PPP2R5C: variants seen among roughly 807,000 people sequenced by gnomAD.
The protein encoded by PPP2R5C is protein phosphatase 2 regulatory subunit B'gamma.
PPP2R5C carries 7 observed loss-of-function variants against 68.9 expected under a neutral mutation model. The observed-to-expected ratio is 0.10, with a 90% CI of 0.06 to 0.19. PPP2R5C has a LOEUF of 0.19. PPP2R5C is among the 10% of genes least tolerant of loss of function. PPP2R5C has a pLI of 1.00. For missense variants in PPP2R5C, 348 were observed against 641.3 expected (o/e 0.54, Z 4.94); for synonymous variants, 210 against 222.2 (o/e 0.95, Z 0.49).
intron 1 of PPP2R5C, among the ~76,000 whole-genome samples, chr14:101,845,361 C>T (rs1456385472): frequency 2.6e-5 from 4 of 152,176 alleles, no homozygotes; most frequent in Non-Finnish European, 5.9e-5. Flanking sequence ...ACTCCCTTTA[C>T]TGAAAAATTC....
rs1009520889 is a variant in PPP2R5C at position 101,891,736 on chromosome 14, G to A, written c.690-1264G>A. Among the ~76,000 whole-genome samples the A allele has an allele frequency of 2.6e-5, 4 of 152,344 alleles. No individual in the cohort carries two copies. The highest frequency in any genetic ancestry group is 7.2e-5 in the African/African-American group (3 of 41,584). Reference sequence around the variant, plus strand: ...CTCCTTGATGGGCCGCTCCAGGCTCGCCCTTCCCGCATTGTCCGCTGTGCC... The same window carrying A: ...CTCCTTGATGGGCCGCTCCAGGCTCACCCTTCCCGCATTGTCCGCTGTGCC... On this transcript the variant is annotated intron_variant, in intron 6 of 13. Transcript: ENST00000334743. The surrounding 1 kb of genome is among the most constrained non-coding windows in gnomAD (Gnocchi z 4.9).
chr14:101,857,863 A>G (rs1011800923), intron 2 of PPP2R5C, among the ~76,000 whole-genome samples: 9 of 152,144 alleles, frequency 5.9e-5, no homozygotes, highest in Admixed American at 2.6e-4. Flanking sequence ...CCAAAGCTAT[A>G]TATTTCAGAA....
Position 101,882,093 on chromosome 14 carries a change from C to A in PPP2R5C, c.295-68C>A. 7.6e-7 allele frequency: 1 copy of A among 1,319,884 alleles called. No homozygotes were observed. The highest frequency in any genetic ancestry group is 1.0e-6 in the Non-Finnish European group (1 of 968,080). The allele number at this position is 1,319,884 out of a possible 1,614,324, so 81.8% of individuals were successfully genotyped here. ...CGGCTACTGTTAGAATTACCTAAGACTTTATAAAATGTTGTCTGTAAATAT... is the reference window on the plus strand; with the variant it reads ...CGGCTACTGTTAGAATTACCTAAGAATTTATAAAATGTTGTCTGTAAATAT... On this transcript the variant is annotated intron_variant, in intron 2 of 13. Coordinates refer to ENST00000334743, the Ensembl canonical transcript of PPP2R5C. The surrounding 1 kb of genome is among the most constrained non-coding windows in gnomAD (Gnocchi z 4.9).
chr14:101,906,300 G>T lies in PPP2R5C; in HGVS notation c.1024-102G>T, dbSNP rs1595524993. 7.9e-7 allele frequency: 1 copy of T among 1,260,128 alleles called. No homozygotes were observed. The highest frequency in any genetic ancestry group is 2.5e-5 in the East Asian group (1 of 40,544). 78.1% of individuals were successfully genotyped at this position (1,260,128 alleles called of 1,614,324 possible). ...TTGTAGAAATAATCATAATTTTCTG[G>T]TCCAAGGTAGTTCATTACCCGACTC... On this transcript the variant is annotated intron_variant, in intron 9 of 13. Transcript: ENST00000334743. The surrounding 1 kb of genome is among the most constrained non-coding windows in gnomAD (Gnocchi z 4.0).
rs2043899348 is a variant in PPP2R5C, at chr14:101,878,055, G to A, written c.295-4106G>A. The stretch of plus-strand genomic sequence containing the variant: ...GTAGCAGGGTTTGTTCCCTGCTGAG[G>A]GCCTTTTCTGGCTTGCAGACGGCCA... On this transcript the variant is annotated intron_variant, in intron 2 of 13. Coordinates refer to ENST00000334743, the Ensembl canonical transcript of PPP2R5C. 2.0e-5 allele frequency among the ~76,000 whole-genome samples: 3 copies of A among 152,308 alleles called. No homozygotes were observed. In the South Asian group the frequency reaches 6.2e-4, roughly 32 times the overall value.
intron 2 of PPP2R5C, among the ~76,000 whole-genome samples, chr14:101,783,530 G>C (rs2037940713): frequency 1.3e-5 from 2 of 151,964 alleles, no homozygotes; most frequent in Admixed American, 1.3e-4. Flanking sequence ...GCCCTGACGA[G>C]AGAATGGAGT....
intron 3 of PPP2R5C, among the ~76,000 whole-genome samples, chr14:101,795,108 GA>G (rs2038547197): frequency 6.6e-6 from 1 of 152,176 alleles, no homozygotes; most frequent in Non-Finnish European, 1.5e-5. Flanking sequence ...TCATTCTGTG[GA>G]TACCCCAGTT....
intron 2 of PPP2R5C, among the ~76,000 whole-genome samples, chr14:101,874,013 C>T (rs1442449750): frequency 1.3e-5 from 2 of 152,208 alleles, no homozygotes; most frequent in East Asian, 3.8e-4. Context: ...CATCTGGAAG[C>T]ATAAGTCTGC....
In PPP2R5C at chr14:101,819,214, G is replaced by A. The variant is rs187925139; in HGVS notation, c.94+9178G>A. Reference sequence around the variant, plus strand: ...TATGTAATTGGTCAGACTTCTCAAAGGGGGGTAGCACTTGATAATCGCTCT... The same window carrying A: ...TATGTAATTGGTCAGACTTCTCAAAAGGGGGTAGCACTTGATAATCGCTCT... On this transcript the variant is annotated intron_variant, in intron 1 of 13. Transcript: ENST00000334743. The A allele has an allele frequency of 2.5e-4, 191 of 771,304 alleles. No individual in the cohort carries two copies. In the African/African-American group the frequency reaches 2.9e-3, roughly 12 times the overall value. The allele number at this position is 771,304 out of a possible 1,614,324, so 47.8% of individuals were successfully genotyped here. A position where few individuals can be genotyped will look rare whatever the true frequency, so the allele number is the denominator to read the frequency against.
chr14:101,884,200 A>T (rs8016696), intron 5 of PPP2R5C, among the ~76,000 whole-genome samples: 5,087 of 152,172 alleles, frequency 0.033, 136 homozygotes, highest in African/African-American at 0.079. Flanking sequence ...AGGCCAGAAG[A>T]CTCAGCCAGT....
At chr14:101,901,586 C>T (rs2045695450) in intron 8 of PPP2R5C, 133 bp from the exon 11 acceptor site, 2 of 837,752 alleles carry the variant, frequency 2.4e-6, no homozygotes, top group Admixed American at 4.8e-5. Context: ...ACTGTTCCCT[C>T]TGTAAGGAAG....
In PPP2R5C at chr14:101,877,684, A is replaced by G. The variant is rs533856572; in HGVS notation, c.295-4477A>G. Among the ~76,000 whole-genome samples, 55 of 152,158 alleles carry G rather than the reference A, an allele frequency of 3.6e-4. No homozygotes were observed. The Middle Eastern group carries it at 0.017, about 47-fold the overall frequency. On this transcript the variant is annotated intron_variant, in intron 2 of 13. Coordinates refer to ENST00000334743, the Ensembl canonical transcript of PPP2R5C. This position sits in a 1 kb window ranked among gnomAD's most constrained non-coding sequence, Gnocchi z 4.2. ...GTTGCTAGGTCAGAAACCCAAGAAG[A>G]ATTTGAGGTGATAGACCGTTGGCCC...
intron 1 of PPP2R5C, among the ~76,000 whole-genome samples, chr14:101,844,345 G>A (rs2041691082): frequency 6.6e-6 from 1 of 152,096 alleles, no homozygotes; most frequent in African/African-American, 2.4e-5. Context: ...CCAGAGATTG[G>A]ACACACACGT....
chr14:101,798,533 G>A (rs535939281), intron 3 of PPP2R5C, among the ~76,000 whole-genome samples: 1 of 152,380 alleles, frequency 6.6e-6, no homozygotes, highest in African/African-American at 2.4e-5. Flanking sequence ...CCACTAGGCT[G>A]AGGACGGGGA....
Position 101,821,452 on chromosome 14 carries a change from G to GT in PPP2R5C, c.94+11416_94+11417insT, listed in dbSNP as rs1491578064. ...TCTCCCTGTGGGGGGTGGGTGGGTG[G>GT]GTGTGTGTGTGTGTGTGTGTGTGTG... is the stretch of plus-strand genomic sequence containing the variant. On this transcript the variant is annotated intron_variant, in intron 1 of 13. Transcript: ENST00000334743. Among the ~76,000 whole-genome samples the GT allele has an allele frequency of 2.8e-3, 346 of 121,450 alleles. 1 individual carries two copies. Among genetic ancestry groups the GT allele is most frequent in the South Asian group, 4.6e-3 (15 of 3,248 alleles). The allele number at this position is 121,450 out of a possible 152,430, so 79.7% of individuals were successfully genotyped here. A position where few individuals can be genotyped will look rare whatever the true frequency, so the allele number is the denominator to read the frequency against.
chr14:101,925,971 A>T (rs2047275888), exon 14 of PPP2R5C: 1 of 152,578 alleles, frequency 6.6e-6, no homozygotes, highest in Non-Finnish European at 1.5e-5. Flanking sequence ...ATTTATTTTA[A>T]AAGAGATTGC....
upstream of PPP2R5C, chr14:101,809,743 C>T: frequency 1.7e-6 from 2 of 1,164,522 alleles, no homozygotes; most frequent in South Asian, 3.7e-5. Flanking sequence ...AAACAGAACG[C>T]TCTTTCCGTT....
intron 5 of PPP2R5C, among the ~76,000 whole-genome samples, chr14:101,886,714 C>CTT (rs752668838): frequency 3.3e-5 from 5 of 151,526 alleles, no homozygotes; most frequent in African/African-American, 1.2e-4. Flanking sequence ...AGGTTTTTTT[C>CTT]TTTTCTTTTC....
At chr14:101,798,995 G>A (rs1397233796) in intron 3 of PPP2R5C, among the ~76,000 whole-genome samples, 3 of 152,246 alleles carry the variant, frequency 2.0e-5, no homozygotes, top group Non-Finnish European at 4.4e-5. Flanking sequence ...TGGAAGAGGT[G>A]TAAAGGGTAG....
Sources: gnomAD v4.1 joint callset for allele counts (sites outside exome capture counted in the v4.1 genomes callset) on GRCh38, gnomAD v4.1.1 for gene constraint, Gnocchi (gnomAD v3.1) non-coding constraint, MANE v1.5 for transcripts, NCBI Gene and HGNC (gene_info 2026-07-23, HGNC 2026-07-21) for gene names.